DCAF8L2: variants seen among roughly 807,000 people sequenced by gnomAD.
The protein encoded by DCAF8L2 is DDB1- and CUL4-associated factor 8-like protein 2.
For synonymous variants in DCAF8L2, 200 were observed against 190.9 expected, an observed-to-expected ratio of 1.05 and a Z score of -0.39; for missense variants, 430 against 490.7, an observed-to-expected ratio of 0.88 and a Z score of 1.17.
chrX:27,636,160 T>A (rs749735845), intron 2 of DCAF8L2, among the ~76,000 whole-genome samples: 1 of 111,447 alleles, frequency 9.0e-6, no homozygotes, highest in East Asian at 2.8e-4. Flanking sequence ...GTGTTTGACA[T>A]ATTTTATTTT....
intron 2 of DCAF8L2, among the ~76,000 whole-genome samples, chrX:27,659,758 T>C (rs1929486896): frequency 9.0e-6 from 1 of 111,364 alleles, no homozygotes; most frequent in Non-Finnish European, 1.9e-5. Flanking sequence ...AATTCTTCAG[T>C]TTCAAGATTT....
Position 27,735,819 on chromosome X carries a change from T to C in DCAF8L2, c.-58-11019T>C, listed in dbSNP as rs1361260987. ...GTAGCAGCCAAATTAATCCCAGGTG[T>C]TTGACAGTAAATCGGCACCCACTAA... On this transcript the variant is annotated intron_variant, in intron 4 of 4. Coordinates refer to ENST00000451261, the MANE Select transcript of DCAF8L2 (RefSeq NM_001353450.2). Among the ~76,000 whole-genome samples the C allele has an allele frequency of 2.7e-5, 3 of 111,376 alleles. No individual in the cohort carries two copies. In the East Asian group the frequency reaches 8.5e-4, roughly 31 times the overall value.
At chrX:27,612,757 G>T (rs1927251301) in intron 1 of DCAF8L2, among the ~76,000 whole-genome samples, 2 of 111,517 alleles carry the variant, frequency 1.8e-5, no homozygotes, top group Admixed American at 1.9e-4. Flanking sequence ...GATGGTTGTA[G>T]ATATGTGTGG....
intron 4 of DCAF8L2, among the ~76,000 whole-genome samples, chrX:27,736,908 A>C (rs1432706824): frequency 9.0e-6 from 1 of 111,596 alleles, no homozygotes; most frequent in Non-Finnish European, 1.9e-5. Context: ...ATAAAGTGTG[A>C]TATTGCAACA....
At chrX:27,636,175 A>C (rs1928497193) in intron 2 of DCAF8L2, among the ~76,000 whole-genome samples, 1 of 111,670 alleles carries the variant, frequency 9.0e-6, no homozygotes, top group Admixed American at 9.6e-5. Context: ...TATTTTCTTA[A>C]GAGCTATGTT....
At chrX:27,678,267 A>G (rs775561014) in intron 3 of DCAF8L2, among the ~76,000 whole-genome samples, 57 of 111,821 alleles carry the variant, frequency 5.1e-4, no homozygotes, top group Non-Finnish European at 8.8e-4. Context: ...AAAGTATATG[A>G]TATGGAAGTT....
intron 2 of DCAF8L2, among the ~76,000 whole-genome samples, chrX:27,667,960 G>T (rs895563804): frequency 8.9e-6 from 1 of 111,948 alleles, no homozygotes; most frequent in Admixed American, 9.5e-5. Context: ...CACTAATAAA[G>T]AATAGATTTG....
At chrX:27,536,689 T>C in the DCAF8L2 span, among the ~76,000 whole-genome samples, 1 of 110,095 alleles carries the variant, frequency 9.1e-6, no homozygotes, top group Non-Finnish European at 1.9e-5. Context: ...ATCCTGCCAG[T>C]GGGCTCCCAT....
intron 4 of DCAF8L2, among the ~76,000 whole-genome samples, chrX:27,741,495 C>T (rs1229348895): frequency 1.9e-5 from 2 of 103,667 alleles, no homozygotes; most frequent in East Asian, 3.4e-4. Flanking sequence ...TCTCACTTAT[C>T]GGAGAGCAGC....
chrX:27,592,351 C>G (rs1016272056), intron 1 of DCAF8L2, among the ~76,000 whole-genome samples: 2 of 111,550 alleles, frequency 1.8e-5, no homozygotes, highest in African/African-American at 3.2e-5. Context: ...GTCAAGGGTG[C>G]TGGCCCTGCC....
chrX:27,675,332 C>T lies in DCAF8L2; in HGVS notation c.-219-2504C>T, dbSNP rs191743289. On this transcript the variant is annotated intron_variant, in intron 2 of 4. Transcript: ENST00000451261. Reference sequence around the variant, plus strand: ...CCTGGTGGGGAGAGATACTGAAGTACGGAGCAAAAATAGTTAAAAGAAGCA... The same window carrying T: ...CCTGGTGGGGAGAGATACTGAAGTATGGAGCAAAAATAGTTAAAAGAAGCA... 9.0e-5 allele frequency among the ~76,000 whole-genome samples: 10 copies of T among 110,949 alleles called. No individual in the cohort carries two copies. In the South Asian group the frequency reaches 2.3e-3, roughly 25 times the overall value.
intron 4 of DCAF8L2, among the ~76,000 whole-genome samples, chrX:27,726,772 G>A (rs1199696030): frequency 8.9e-6 from 1 of 112,031 alleles, no homozygotes; most frequent in Non-Finnish European, 1.9e-5. Context: ...GCTGTATAGC[G>A]TGTCCTTGTA....
At chrX:27,681,165 G>T (rs972417083) in intron 3 of DCAF8L2, among the ~76,000 whole-genome samples, 3 of 110,422 alleles carry the variant, frequency 2.7e-5, no homozygotes, top group African/African-American at 9.9e-5. Context: ...TGTAAGTTTG[G>T]GCTTGACACA....
At chrX:27,727,459 G>A (rs977444562) in intron 4 of DCAF8L2, among the ~76,000 whole-genome samples, 3 of 110,893 alleles carry the variant, frequency 2.7e-5, no homozygotes, top group African/African-American at 9.8e-5. Context: ...TTAATCATTT[G>A]AATGTCCTTA....
At chrX:27,737,522 G>C (rs73628827) in intron 4 of DCAF8L2, among the ~76,000 whole-genome samples, 1,811 of 111,410 alleles carry the variant, frequency 0.016, 41 homozygotes, top group African/African-American at 0.056. Flanking sequence ...GCTATGTGCT[G>C]CTCTGTTGTT....
At chrX:27,666,499 C>A (rs1484804223) in intron 2 of DCAF8L2, among the ~76,000 whole-genome samples, 1 of 111,944 alleles carries the variant, frequency 8.9e-6, no homozygotes, top group Non-Finnish European at 1.9e-5. Flanking sequence ...CATATTTTAA[C>A]CTGGATGGAA....
chrX:27,525,999 G>A, the DCAF8L2 span, among the ~76,000 whole-genome samples: 1,002 of 111,262 alleles, frequency 9.0e-3, 8 homozygotes, highest in African/African-American at 0.031. Context: ...TGACAATTAT[G>A]TGTCTTGGAG....
the DCAF8L2 span, among the ~76,000 whole-genome samples, chrX:27,542,828 GTTAT>G: frequency 1.8e-5 from 2 of 111,067 alleles, no homozygotes; most frequent in Non-Finnish European, 3.8e-5. Context: ...TTTTAATGGG[GTTAT>G]TTGTTTTTCA....
At chrX:27,536,698 A>T in the DCAF8L2 span, among the ~76,000 whole-genome samples, 1 of 110,381 alleles carries the variant, frequency 9.1e-6, no homozygotes, top group Non-Finnish European at 1.9e-5. Flanking sequence ...GTGGGCTCCC[A>T]TCTCACAGAC....
Sources: allele counts gnomAD v4.1 joint callset (sites outside exome capture counted in the v4.1 genomes callset), GRCh38; gene constraint gnomAD v4.1.1; transcripts MANE v1.5; gene names NCBI Gene and HGNC (gene_info 2026-07-23, HGNC 2026-07-21).